GULP1: variants seen among roughly 807,000 people sequenced by gnomAD.
The protein encoded by GULP1 is PTB domain-containing engulfment adapter protein 1.
GULP1 carries 19 observed loss-of-function variants against 40.9 expected under a neutral mutation model. The ratio of observed to expected loss-of-function variants is 0.46; its 90% CI spans 0.32 to 0.68. The LOEUF (loss-of-function observed/expected upper bound fraction) is 0.68, where lower values mean the gene tolerates loss of function less well. Among genes scored for constraint, GULP1 ranks in the 30% least tolerant of loss-of-function variants. GULP1 has a pLI of 0.03. For missense variants in GULP1, 312 were observed against 362.2 expected (o/e 0.86, Z 1.12); for synonymous variants, 119 against 117.6 (o/e 1.01, Z -0.08).
chr2:188,351,915 T>C (rs1221366980), intron 1 of GULP1, among the ~76,000 whole-genome samples: 1 of 152,200 alleles, frequency 6.6e-6, no homozygotes, highest in Non-Finnish European at 1.5e-5. Flanking sequence ...CTTTGTTAAA[T>C]AAAGAAGGCA....
chr2:188,569,512 T>G, intron 8 of GULP1, 157 bp downstream of exon 8: 1 of 629,882 alleles, frequency 1.6e-6, no homozygotes, highest in African/African-American at 1.9e-5. Flanking sequence ...TCGTTCCTGA[T>G]CCCCTGCACA....
chr2:188,495,322 C>A (rs2062798330), intron 4 of GULP1, among the ~76,000 whole-genome samples: 1 of 152,066 alleles, frequency 6.6e-6, no homozygotes, highest in African/African-American at 2.4e-5. Context: ...CCTTCCCAGG[C>A]CCCAACCCCA....
At chr2:188,323,389 C>A (rs192600525) in intron 1 of GULP1, among the ~76,000 whole-genome samples, 186 of 152,018 alleles carry the variant, frequency 1.2e-3, no homozygotes, top group Non-Finnish European at 2.3e-3. Flanking sequence ...ATAGGCTGTG[C>A]TGTGGTACAT....
At chr2:188,420,864 A>G (rs928542929) in intron 2 of GULP1, among the ~76,000 whole-genome samples, 1 of 152,158 alleles carries the variant, frequency 6.6e-6, no homozygotes, top group Non-Finnish European at 1.5e-5. Flanking sequence ...CTAGAGTGGT[A>G]GCTCGGTTTT....
At chr2:188,462,052 G>T (rs2059750567) in intron 2 of GULP1, among the ~76,000 whole-genome samples, 1 of 151,454 alleles carries the variant, frequency 6.6e-6, no homozygotes, top group East Asian at 1.9e-4. Flanking sequence ...CTTTTTTGTT[G>T]GAGTCACTTA....
At chr2:188,327,050 A>G (rs1197734769) in intron 1 of GULP1, among the ~76,000 whole-genome samples, 1 of 152,196 alleles carries the variant, frequency 6.6e-6, no homozygotes, top group Non-Finnish European at 1.5e-5. Context: ...CTTAAAAACC[A>G]TATGGCCAGA....
intron 2 of GULP1, among the ~76,000 whole-genome samples, chr2:188,401,500 C>T (rs2052289203): frequency 6.6e-6 from 1 of 151,932 alleles, no homozygotes; most frequent in African/African-American, 2.4e-5. Flanking sequence ...GTTGTTAGCA[C>T]ATATAATGTA....
intron 1 of GULP1, among the ~76,000 whole-genome samples, chr2:188,340,217 G>A (rs890836881): frequency 6.6e-6 from 1 of 152,146 alleles, no homozygotes; most frequent in African/African-American, 2.4e-5. Context: ...TATAGATGAT[G>A]TTAGGTCATT....
chr2:188,328,538 C>A (rs560134191), intron 1 of GULP1, among the ~76,000 whole-genome samples: 1 of 152,248 alleles, frequency 6.6e-6, no homozygotes, highest in Non-Finnish European at 1.5e-5. Context: ...AATTAATTAT[C>A]CTTCAACATA....
At chr2:188,470,659 C>T (rs1280543432) in intron 2 of GULP1, among the ~76,000 whole-genome samples, 5 of 152,034 alleles carry the variant, frequency 3.3e-5, no homozygotes, top group Admixed American at 2.0e-4. Context: ...TTCTCAATTT[C>T]TTCACTAACC....
chr2:188,496,905 C>T (rs1194129260), intron 4 of GULP1, among the ~76,000 whole-genome samples: 1 of 151,902 alleles, frequency 6.6e-6, no homozygotes, highest in Non-Finnish European at 1.5e-5. Context: ...CCTTTATCTT[C>T]CCCCTGCTCT....
chr2:188,483,655 G>A (rs2061609680), intron 4 of GULP1, among the ~76,000 whole-genome samples, 163 bp downstream of exon 4: 1 of 151,990 alleles, frequency 6.6e-6, no homozygotes, highest in East Asian at 1.9e-4. Context: ...ATTTTTCTCT[G>A]TAGAATAGTT....
At chr2:188,426,507 C>T (rs1183226989) in intron 2 of GULP1, among the ~76,000 whole-genome samples, 1 of 152,084 alleles carries the variant, frequency 6.6e-6, no homozygotes, top group African/African-American at 2.4e-5. Flanking sequence ...GACAGCTTTG[C>T]AGGATCATTT....
intron 4 of GULP1, among the ~76,000 whole-genome samples, chr2:188,499,968 A>T (rs57943055): frequency 0.038 from 5,820 of 151,870 alleles, 262 homozygotes; most frequent in African/African-American, 0.098. Context: ...CTTTTAAAAA[A>T]ATATATATTT....
chr2:188,382,683 C>T (rs1160611320), intron 1 of GULP1, among the ~76,000 whole-genome samples: 1 of 152,176 alleles, frequency 6.6e-6, no homozygotes, highest in Non-Finnish European at 1.5e-5. Flanking sequence ...GTCAGGGGTT[C>T]GAGACCAGTC....
At chr2:188,429,880 T>G (rs2056664024) in intron 2 of GULP1, among the ~76,000 whole-genome samples, 1 of 151,712 alleles carries the variant, frequency 6.6e-6, no homozygotes, top group Non-Finnish European at 1.5e-5. Flanking sequence ...CCGGCTAATT[T>G]TTGTATTTTT....
intron 2 of GULP1, among the ~76,000 whole-genome samples, chr2:188,443,728 C>G (rs1466770642): frequency 6.7e-6 from 1 of 150,298 alleles, no homozygotes; most frequent in Non-Finnish European, 1.5e-5. Context: ...GCTCTGTCGC[C>G]CAGGCTGGAG....
At chr2:188,343,217 G>T (rs1428223873) in intron 1 of GULP1, among the ~76,000 whole-genome samples, 1 of 152,128 alleles carries the variant, frequency 6.6e-6, no homozygotes, top group Non-Finnish European at 1.5e-5. Flanking sequence ...ACCACAGCCT[G>T]TTGATTCTTA....
chr2:188,454,926 C>T lies in GULP1; in HGVS notation c.-44-22733C>T, dbSNP rs559289288. ...GATTACTTAAAGCTGAGTTCCAATCCGGCCTGGGAAACATAGTGAGACCCC... is the reference window on the plus strand; with the variant it reads ...GATTACTTAAAGCTGAGTTCCAATCTGGCCTGGGAAACATAGTGAGACCCC... On this transcript the variant is annotated intron_variant, in intron 2 of 11. Coordinates refer to ENST00000409830, the MANE Select transcript of GULP1 (RefSeq NM_016315.4). 2.8e-4 allele frequency among the ~76,000 whole-genome samples: 42 copies of T among 152,056 alleles called. 1 individual carries two copies. The highest frequency in any genetic ancestry group is 2.4e-3 in the Admixed American group (37 of 15,264).
Sources: gnomAD v4.1 joint callset for allele counts (sites outside exome capture counted in the v4.1 genomes callset) on GRCh38, gnomAD v4.1.1 for gene constraint, MANE v1.5 for transcripts, NCBI Gene and HGNC (gene_info 2026-07-23, HGNC 2026-07-21) for gene names.